Variants in FAT4 observed in about 807,000 individuals in gnomAD.
The protein encoded by FAT4 is FAT atypical cadherin 4, also known as protocadherin Fat 4.
A neutral mutation model predicts 303.9 loss-of-function variants in FAT4; 84 were observed. That is an observed-to-expected ratio of 0.28 (90% CI 0.23 to 0.33). FAT4 has a LOEUF of 0.33. Ranked by LOEUF, FAT4 falls within the 10% of genes least tolerant of loss-of-function variation. The probability of loss-of-function intolerance (pLI) is 1.00; values close to 1 mark genes in which losing one functional copy is unlikely to be tolerated. For synonymous variants in FAT4, 2,307 were observed against 2,298.8 expected (o/e 1.00, Z -0.10); for missense variants, 6,005 against 6,146.8 (o/e 0.98, Z 0.77).
Position 125,320,984 on chromosome 4 carries a change from A to C in FAT4, c.4573A>C (p.Asn1525His), listed in dbSNP as rs1730915551. ...CATTTTGGTTACAGACCTCAATGACAATGTCCCAATGTTTATATCACAAAA... is the reference window on the plus strand; with the variant it reads ...CATTTTGGTTACAGACCTCAATGACCATGTCCCAATGTTTATATCACAAAA... Reference protein sequence around the residue: ...VTILVTDLNDNVPMFISQNAL... With the variant: ...VTILVTDLNDHVPMFISQNAL... Residue 1525 changes from asparagine (N) to histidine (H), a missense_variant, in exon 2 of 18, where the codon AAT (asparagine) becomes CAT (histidine). Coordinates refer to ENST00000394329, the MANE Select transcript of FAT4 (RefSeq NM_001291303.3). 1 of 1,614,064 alleles carries C rather than the reference A, an allele frequency of 6.2e-7. No individual in the cohort carries two copies. The highest frequency in any genetic ancestry group is 1.1e-5 in the South Asian group (1 of 91,090).
chr4:125,431,373 T>C (rs1725278511), intron 7 of FAT4, among the ~76,000 whole-genome samples: 1 of 152,172 alleles, frequency 6.6e-6, no homozygotes. Flanking sequence ...GTCTCATGTA[T>C]TTTTACCACA....
intron 2 of FAT4, among the ~76,000 whole-genome samples, chr4:125,336,395 T>C (rs1018278983): frequency 1.2e-4 from 18 of 152,024 alleles, no homozygotes; most frequent in African/African-American, 4.3e-4. Flanking sequence ...ATTTATACAC[T>C]ATGTTTTGAT....
rs193279610 is a variant in FAT4, at chr4:125,334,953, A to G, written c.5175+13367A>G. ...ATATTTTATTACTTCACATAATAAA[A>G]TAGGGAACGTATTTATCCACTGAGG... On this transcript the variant is annotated intron_variant, in intron 2 of 17. Coordinates refer to ENST00000394329, the MANE Select transcript of FAT4 (RefSeq NM_001291303.3). Among the ~76,000 whole-genome samples the G allele has an allele frequency of 4.1e-3, 625 of 152,316 alleles. 3 individuals carry two copies. The highest frequency in any genetic ancestry group is 6.8e-3 in the Middle Eastern group (2 of 294).
intron 2 of FAT4, among the ~76,000 whole-genome samples, chr4:125,359,418 G>T (rs996321789): frequency 6.6e-6 from 1 of 152,108 alleles, no homozygotes; most frequent in African/African-American, 2.4e-5. Flanking sequence ...AATATATTGA[G>T]TTCATACATA....
chr4:125,479,887 C>T (rs1297866793), intron 15 of FAT4, 22 bp downstream of exon 15: 1 of 1,490,796 alleles, frequency 6.7e-7, no homozygotes, highest in Middle Eastern at 1.8e-4. Flanking sequence ...CTTCCGTCTT[C>T]CCCTGGAAAT....
intron 3 of FAT4, among the ~76,000 whole-genome samples, chr4:125,401,680 T>G (rs1161127788): frequency 1.3e-5 from 2 of 151,940 alleles, no homozygotes; most frequent in African/African-American, 4.8e-5. Flanking sequence ...ATTTGAAATG[T>G]GTTGGATCAA....
intron 5 of FAT4, among the ~76,000 whole-genome samples, chr4:125,411,238 A>G (rs965047970): frequency 6.6e-6 from 1 of 152,022 alleles, no homozygotes; most frequent in African/African-American, 2.4e-5. Context: ...AGCTTACATG[A>G]TGATTTCATA....
intron 7 of FAT4, among the ~76,000 whole-genome samples, chr4:125,430,005 C>T (rs1420644645): frequency 6.6e-6 from 1 of 152,150 alleles, no homozygotes; most frequent in Non-Finnish European, 1.5e-5. Context: ...ACACCGGGTT[C>T]TGTCCTGGGG....
chr4:125,432,811 A>G (rs1725326257), intron 7 of FAT4, among the ~76,000 whole-genome samples: 2 of 18,188 alleles, frequency 1.1e-4, no homozygotes, highest in African/African-American at 3.4e-4. Flanking sequence ...AATATAAAAT[A>G]TCTTATGATA....
In FAT4 at chr4:125,415,339, G is replaced by C; in HGVS notation, c.6376G>C (p.Ala2126Pro). 6.2e-7 allele frequency: 1 copy of C among 1,614,012 alleles called. No homozygotes were observed. The highest frequency in any genetic ancestry group is 8.5e-7 in the Non-Finnish European group (1 of 1,179,970). ...TTCTAATTATACTCTAACAGTGGTG[G>C]CTACAGACAAAGGTCAACCATCTCT... ...EVSNYTLTVV[A>P]TDKGQPSLSS... The change falls in exon 6 of 18, where the codon GCT becomes CCT. Residue 2126 changes from alanine to proline, a missense_variant. Coordinates refer to ENST00000394329, the MANE Select transcript of FAT4 (RefSeq NM_001291303.3).
intron 12 of FAT4, among the ~76,000 whole-genome samples, chr4:125,469,320 T>C (rs941457343): frequency 2.0e-5 from 3 of 152,228 alleles, no homozygotes; most frequent in Non-Finnish European, 4.4e-5. Context: ...CAGGTAGTAG[T>C]GGCTGAAGAT....
intron 7 of FAT4, among the ~76,000 whole-genome samples, chr4:125,429,656 G>T (rs570253209): frequency 6.6e-6 from 1 of 151,962 alleles, no homozygotes; most frequent in Non-Finnish European, 1.5e-5. Flanking sequence ...TATAGATCTG[G>T]TATCAAATGT....
At chr4:125,482,484 C>A (rs963970320) in intron 16 of FAT4, among the ~76,000 whole-genome samples, 1 of 152,068 alleles carries the variant, frequency 6.6e-6, no homozygotes, top group African/African-American at 2.4e-5. Flanking sequence ...CTATGTTCTG[C>A]TTTCTTTCCC....
Position 125,316,865 on chromosome 4 carries a change from C to G in FAT4, c.454C>G (p.Arg152Gly). Residue 152 changes from arginine (R) to glycine (G), a missense_variant, in exon 2 of 18, where the codon CGC becomes GGC. Coordinates refer to ENST00000394329, the MANE Select transcript of FAT4 (RefSeq NM_001291303.3). The surrounding 1 kb of genome is among the most constrained non-coding windows in gnomAD (Gnocchi z 5.7). ...TTTCAAGGAAGACAGTAGCAGCGGA[C>G]GCCAAGTCATCTTAGACACCGCCAC... The part of the protein sequence containing the change: ...VTFKEDSSSG[R>G]QVILDTATDS... 3 of 1,614,042 alleles carry G rather than the reference C, an allele frequency of 1.9e-6. No homozygotes were observed. Among genetic ancestry groups the G allele is most frequent in the Non-Finnish European group, 2.5e-6 (3 of 1,180,020 alleles).
chr4:125,374,968 TATG>T (rs1253057371), intron 2 of FAT4, among the ~76,000 whole-genome samples: 1 of 152,212 alleles, frequency 6.6e-6, no homozygotes, highest in Admixed American at 6.5e-5. Flanking sequence ...AGTTGCCAAA[TATG>T]ATATTGCCCC....
At chr4:125,459,359 T>G (rs762404740) in intron 10 of FAT4, among the ~76,000 whole-genome samples, 1 of 152,076 alleles carries the variant, frequency 6.6e-6, no homozygotes. Flanking sequence ...AGATTCAGTT[T>G]ATGTTCAACA....
At chr4:125,393,928 C>T in intron 2 of FAT4, 1 of 779,670 alleles carries the variant, frequency 1.3e-6, no homozygotes, top group Admixed American at 1.7e-5. Flanking sequence ...TCTTGTGAAG[C>T]TACCTAAATG....
chr4:125,458,167 C>CG (rs1307005651), intron 10 of FAT4, among the ~76,000 whole-genome samples: 7 of 151,888 alleles, frequency 4.6e-5, no homozygotes, highest in African/African-American at 1.7e-4. Flanking sequence ...GGAATAATGC[C>CG]GGGGGTTTAT....
chr4:125,335,234 C>T (rs2125962041), intron 2 of FAT4, among the ~76,000 whole-genome samples: 1 of 152,096 alleles, frequency 6.6e-6, no homozygotes, highest in East Asian at 1.9e-4. Context: ...CTTTGTTTGT[C>T]AGTATTTTTA....
Sources: gnomAD v4.1 joint callset for allele counts (sites outside exome capture counted in the v4.1 genomes callset) on GRCh38, gnomAD v4.1.1 for gene constraint, Gnocchi (gnomAD v3.1) non-coding constraint, MANE v1.5 for transcripts, NCBI Gene and HGNC (gene_info 2026-07-23, HGNC 2026-07-21) for gene names.